RP1: variants seen among roughly 807,000 people sequenced by gnomAD.
RP1 encodes oxygen-regulated protein 1.
Under a neutral mutation model 14.8 loss-of-function variants are expected in RP1, and 16 were observed. The observed-to-expected ratio is 1.08, with a 90% CI of 0.73 to 1.65. The LOEUF (loss-of-function observed/expected upper bound fraction) is 1.65, where lower values mean the gene tolerates loss of function less well. Ranked by LOEUF, RP1 falls within the 40% of genes most tolerant of loss-of-function variation. RP1 has a pLI of 0.00. For synonymous variants in RP1, 876 were observed against 883.6 expected (o/e 0.99, Z 0.15); for missense variants, 2,631 against 2,535.0 (o/e 1.04, Z -0.81).
intron 5 of RP1, among the ~76,000 whole-genome samples, chr8:54,653,439 C>T (rs1006872961): frequency 6.6e-6 from 1 of 152,084 alleles, no homozygotes; most frequent in Admixed American, 6.5e-5. Context: ...GTATTTACAC[C>T]TTCTGTCATT....
chr8:54,597,905 T>A (rs762572730), intron 1 of RP1, among the ~76,000 whole-genome samples: 3 of 151,940 alleles, frequency 2.0e-5, no homozygotes, highest in Non-Finnish European at 4.4e-5. Flanking sequence ...GTACATATAG[T>A]TCCATGTCAT....
At chr8:54,632,170 C>T (rs1293798873), downstream of RP1, among the ~76,000 whole-genome samples, 1 of 152,030 alleles carries the variant, frequency 6.6e-6, no homozygotes, top group Non-Finnish European at 1.5e-5. Context: ...AAAAAATTAC[C>T]ACTCATTCTC....
intron 1 of RP1, among the ~76,000 whole-genome samples, chr8:54,586,383 C>A (rs6990368): frequency 0.012 from 1,828 of 152,244 alleles, 28 homozygotes; most frequent in African/African-American, 0.041. Context: ...AGTACCAGGC[C>A]GTGTGAGGTG....
intron 24 of RP1, chr8:54,783,851 T>G: frequency 2.1e-6 from 1 of 475,284 alleles, no homozygotes; most frequent in Non-Finnish European, 3.4e-6. Flanking sequence ...GCATGTTTTA[T>G]CCCATGGGAG....
At chr8:54,713,929 C>A (rs182841488) in intron 15 of RP1, among the ~76,000 whole-genome samples, 29 of 152,306 alleles carry the variant, frequency 1.9e-4, no homozygotes, top group Admixed American at 8.5e-4. Flanking sequence ...TGGGAAAAAT[C>A]TGACGTAGGA....
chr8:54,768,087 C>T (rs1809807720), intron 22 of RP1, among the ~76,000 whole-genome samples: 1 of 152,210 alleles, frequency 6.6e-6, no homozygotes, highest in Non-Finnish European at 1.5e-5. Context: ...GTAACCCACA[C>T]ACAACCCCTG....
chr8:54,839,763 T>C (rs1811747540), intron 25 of RP1, among the ~76,000 whole-genome samples: 1 of 152,210 alleles, frequency 6.6e-6, no homozygotes, highest in South Asian at 2.1e-4. Context: ...AACACATGGG[T>C]ACGTGCCCCC....
rs556054986 is a variant in RP1, at chr8:54,810,613, T to C, written c.3616-26837T>C. Among the ~76,000 whole-genome samples, 3 of 152,332 alleles carry C rather than the reference T, an allele frequency of 2.0e-5. No individual in the cohort carries two copies. In the East Asian group the frequency reaches 5.8e-4, roughly 29 times the overall value. ...CCCAAGCAAGTTCCACCAAGGTCCA[T>C]GTGTTCCTTTTTCAGAAAGGTAAAT... On this transcript the variant is annotated intron_variant, in intron 24 of 28. Coordinates refer to the RP1 transcript ENST00000637698.
At chr8:54,691,554 A>G (rs1421140713) in intron 12 of RP1, among the ~76,000 whole-genome samples, 2 of 151,946 alleles carry the variant, frequency 1.3e-5, no homozygotes, top group Admixed American at 1.3e-4. Flanking sequence ...ATGAGTGGAG[A>G]TACAGGTTTA....
chr8:54,776,575 G>A (rs2129377765), intron 23 of RP1, among the ~76,000 whole-genome samples: 1 of 152,320 alleles, frequency 6.6e-6, no homozygotes, highest in Non-Finnish European at 1.5e-5. Context: ...ACCAAAAGAT[G>A]ACTATAGTCA....
intron 12 of RP1, among the ~76,000 whole-genome samples, chr8:54,691,898 G>A (rs1403677665): frequency 2.6e-5 from 4 of 152,028 alleles, no homozygotes; most frequent in African/African-American, 7.2e-5. Context: ...CATGTGCCAT[G>A]TTCGTGTACA....
intron 17 of RP1, among the ~76,000 whole-genome samples, chr8:54,729,989 G>C (rs536602062): frequency 1.0e-3 from 154 of 151,650 alleles, no homozygotes; most frequent in African/African-American, 3.5e-3. Flanking sequence ...TTTTTTTAAT[G>C]CTTGTGCTGT....
intron 14 of RP1, among the ~76,000 whole-genome samples, chr8:54,705,406 G>A (rs535555415): frequency 6.6e-6 from 1 of 152,316 alleles, no homozygotes; most frequent in South Asian, 2.1e-4. Context: ...TATGCATGGA[G>A]TATTGCCAGC....
chr8:54,701,723 T>A, intron 14 of RP1: 1 of 1,432,806 alleles, frequency 7.0e-7, no homozygotes, highest in Non-Finnish European at 9.4e-7. Context: ...TTTGCCCTAT[T>A]GAGCAAAAGT....
intron 24 of RP1, among the ~76,000 whole-genome samples, chr8:54,793,737 G>C (rs1374297767): frequency 2.0e-5 from 3 of 151,872 alleles, no homozygotes; most frequent in African/African-American, 7.2e-5. Context: ...ATGGTGAAAA[G>C]CTGAAGGCTT....
At chr8:54,798,948 T>C (rs931737772) in intron 24 of RP1, among the ~76,000 whole-genome samples, 1 of 152,000 alleles carries the variant, frequency 6.6e-6, no homozygotes, top group Non-Finnish European at 1.5e-5. Flanking sequence ...TATAGAACTA[T>C]GATAGCAAAA....
At chr8:54,663,691 G>A (rs772944247) in intron 6 of RP1, 84 of 1,505,588 alleles carry the variant, frequency 5.6e-5, no homozygotes, top group Non-Finnish European at 6.6e-5. Flanking sequence ...TTTTTCTTAT[G>A]TTGTCAGTGA....
At chr8:54,562,235 G>T (rs1015878673) in intron 1 of RP1, among the ~76,000 whole-genome samples, 1 of 152,126 alleles carries the variant, frequency 6.6e-6, no homozygotes, top group Non-Finnish European at 1.5e-5. Context: ...ATGAATATGG[G>T]AGCAACATTT....
intron 7 of RP1, among the ~76,000 whole-genome samples, chr8:54,669,181 G>C (rs538904029): frequency 1.3e-5 from 2 of 151,516 alleles, no homozygotes; most frequent in East Asian, 3.9e-4. Context: ...AAATTTACAA[G>C]AAAAAAAACA....
Sources: allele counts gnomAD v4.1 joint callset (sites outside exome capture counted in the v4.1 genomes callset), GRCh38; gene constraint gnomAD v4.1.1; transcripts MANE v1.5; gene names NCBI Gene and HGNC (gene_info 2026-07-23, HGNC 2026-07-21).